CEP43: variants seen among roughly 807,000 people sequenced by gnomAD.
CEP43 encodes FGFR1 oncogene partner.
CEP43 carries 36 observed loss-of-function variants against 52.6 expected under a neutral mutation model. That is an observed-to-expected ratio of 0.68 (90% CI 0.52 to 0.90). The LOEUF is 0.90. Ranked by LOEUF, CEP43 falls within the 40% of genes least tolerant of loss-of-function variation. The pLI is 0.00. For synonymous variants in CEP43, 192 were observed against 172.4 expected (o/e 1.11, Z -0.89); for missense variants, 506 against 472.8 (o/e 1.07, Z -0.65).
intron 2 of CEP43, 30 bp from the exon 3 acceptor site, chr6:167,003,163 A>G (rs565116541): frequency 4.1e-5 from 43 of 1,044,160 alleles, no homozygotes; most frequent in Admixed American, 2.0e-4. Context: ...GGGTAAACAC[A>G]TGACACTTAA....
At chr6:167,023,287 T>C (rs539343022) in intron 8 of CEP43, among the ~76,000 whole-genome samples, 2 of 152,116 alleles carry the variant, frequency 1.3e-5, no homozygotes, top group Non-Finnish European at 2.9e-5. Context: ...TACAGAAGGA[T>C]CCTGAGGTTG....
At chr6:167,015,514 A>G (rs993544081) in intron 7 of CEP43, among the ~76,000 whole-genome samples, 2 of 152,186 alleles carry the variant, frequency 1.3e-5, no homozygotes, top group African/African-American at 2.4e-5. Flanking sequence ...AGCCATCCGC[A>G]TGGTAGGTGA....
Position 167,033,303 on chromosome 6 carries a change from G to A in CEP43, c.1029-572G>A, listed in dbSNP as rs1780514577. On this transcript the variant is annotated intron_variant, in intron 11 of 12. Coordinates refer to ENST00000366847, the MANE Select transcript of CEP43 (RefSeq NM_007045.4). ...TTTTTGTATTTTTGGTAGAGACAGGGTTTTGTCGTGTTGGCCAGGCTGGTC... is the reference window on the plus strand; with the variant it reads ...TTTTTGTATTTTTGGTAGAGACAGGATTTTGTCGTGTTGGCCAGGCTGGTC... Among the ~76,000 whole-genome samples the A allele has an allele frequency of 2.0e-5, 3 of 151,738 alleles. 1 individual carries two copies. In the East Asian group the frequency reaches 5.8e-4, roughly 29 times the overall value.
intron 11 of CEP43, among the ~76,000 whole-genome samples, chr6:167,033,097 C>CTT (rs1562533056): frequency 1.1e-5 from 1 of 94,520 alleles, no homozygotes; most frequent in African/African-American, 4.0e-5. Context: ...GATTGCCATT[C>CTT]TCTTTTTTTT....
chr6:167,013,392 C>T, intron 6 of CEP43, 116 bp from the exon 7 acceptor site: 1 of 760,708 alleles, frequency 1.3e-6, no homozygotes. Context: ...AACATATTAA[C>T]TAGATGTTCC....
chr6:167,005,666 T>C (rs1300650920), intron 5 of CEP43, among the ~76,000 whole-genome samples: 1 of 152,196 alleles, frequency 6.6e-6, no homozygotes, highest in Non-Finnish European at 1.5e-5. Context: ...CCTTCATTTA[T>C]CAATATCCAG....
chr6:167,003,198 A>G lies in CEP43; in HGVS notation c.162A>G (p.Lys54=). The change falls in exon 3 of 13, where the codon AAA becomes AAG. Residue 54 remains lysine, a synonymous_variant. Coordinates refer to ENST00000366847, the MANE Select transcript of CEP43 (RefSeq NM_007045.4). ...AATTTTTTTTTTTTTAACAGAACAA[A>G]ACTCCTTTAGTTAATGAGAGCCTGA... ...ALEEQEKVEN[K]TPLVNESLKK... 1 of 1,449,488 alleles carries G rather than the reference A, an allele frequency of 6.9e-7. No homozygotes were observed. Among genetic ancestry groups the G allele is most frequent in the Non-Finnish European group, 9.4e-7 (1 of 1,064,180 alleles). The allele number at this position is 1,449,488 out of a possible 1,614,324, so 89.8% of individuals were successfully genotyped here. A position where few individuals can be genotyped will look rare whatever the true frequency, so the allele number is the denominator to read the frequency against.
At chr6:167,010,095 A>G (rs1779953120) in intron 5 of CEP43, among the ~76,000 whole-genome samples, 1 of 152,272 alleles carries the variant, frequency 6.6e-6, no homozygotes, top group Admixed American at 6.5e-5. Context: ...ACAGTCAGTC[A>G]TAAAGGGATT....
At chr6:167,028,949 A>G (rs73028300) in intron 10 of CEP43, among the ~76,000 whole-genome samples, 7 of 152,358 alleles carry the variant, frequency 4.6e-5, no homozygotes, top group Non-Finnish European at 1.0e-4. Flanking sequence ...AGGAGTGTTT[A>G]TAGATAGGTA....
In CEP43 at chr6:167,039,988, A is replaced by C. The variant is rs762258918; in HGVS notation, c.*10A>C. 4 of 1,613,866 alleles carry C rather than the reference A, an allele frequency of 2.5e-6. No homozygotes were observed. In the Admixed American group the frequency reaches 5.0e-5, roughly 20 times the overall value. On this transcript the variant is annotated 3_prime_UTR_variant, in exon 13 of 13. Coordinates refer to ENST00000366847, the MANE Select transcript of CEP43 (RefSeq NM_007045.4). ...GGAAGATGTTGCATAGACACGAAGA[A>C]GGAAGTATTCTAATTAACAAGGACA... is the stretch of plus-strand genomic sequence containing the variant.
At chr6:167,026,688 G>T in intron 10 of CEP43, 73 bp downstream of exon 10, 1 of 907,936 alleles carries the variant, frequency 1.1e-6, no homozygotes, top group South Asian at 1.4e-5. Context: ...TAAAAGAAGT[G>T]ACTCCGTCTG....
rs1243321267 is a variant in CEP43, at chr6:167,042,190, G to A, written c.*2212G>A. The stretch of plus-strand genomic sequence containing the variant: ...CTATGAAAAAGCTTTCTTTTCACAT[G>A]TACTTTTTGATTAGGTATTATCAAC... On this transcript the variant is annotated 3_prime_UTR_variant, in exon 13 of 13. Coordinates refer to ENST00000366847, the MANE Select transcript of CEP43 (RefSeq NM_007045.4). 3.0e-6 allele frequency: 3 copies of A among 1,006,602 alleles called. No individual in the cohort carries two copies. The African/African-American group carries it at 5.2e-5, about 17-fold the overall frequency. The allele number at this position is 1,006,602 out of a possible 1,614,324, so 62.4% of individuals were successfully genotyped here.
intron 8 of CEP43, among the ~76,000 whole-genome samples, chr6:167,023,075 C>G (rs1320089045): frequency 1.3e-5 from 2 of 152,080 alleles, no homozygotes; most frequent in Non-Finnish European, 2.9e-5. Flanking sequence ...CTTGGAGGTG[C>G]CCAGTGAGCA....
At chr6:167,013,220 G>T (rs1309878365) in intron 6 of CEP43, among the ~76,000 whole-genome samples, 2 of 152,184 alleles carry the variant, frequency 1.3e-5, no homozygotes, top group Admixed American at 1.3e-4. Flanking sequence ...TTAGAATGCT[G>T]CTAAAATGTA....
chr6:167,025,361 A>C (rs1220650982), intron 9 of CEP43: 2 of 153,590 alleles, frequency 1.3e-5, no homozygotes, highest in Non-Finnish European at 2.9e-5. Context: ...AGCAGAGCTA[A>C]AGAGCACTGG....
chr6:167,009,529 A>T (rs1779935331), intron 5 of CEP43, among the ~76,000 whole-genome samples: 4 of 91,162 alleles, frequency 4.4e-5, no homozygotes, highest in African/African-American at 1.2e-4. Context: ...AAAAAAAAAA[A>T]TACAAGGAAT....
chr6:167,005,142 G>C (rs918621564), intron 5 of CEP43, among the ~76,000 whole-genome samples: 1 of 152,186 alleles, frequency 6.6e-6, no homozygotes, highest in African/African-American at 2.4e-5. Flanking sequence ...GTGGAGGGCT[G>C]TATAGGTTTC....
intron 6 of CEP43, chr6:167,011,681 C>A: frequency 6.5e-6 from 1 of 153,842 alleles, no homozygotes; most frequent in South Asian, 1.9e-4. Context: ...CATTTTTCCT[C>A]ACAGTTCTGG....
chr6:167,001,158 A>G (rs1779726283), intron 2 of CEP43, among the ~76,000 whole-genome samples: 1 of 152,024 alleles, frequency 6.6e-6, no homozygotes, highest in Non-Finnish European at 1.5e-5. Context: ...CCCTCAATCT[A>G]TTGCTCACCT....
Sources: gnomAD v4.1 joint callset for allele counts (sites outside exome capture counted in the v4.1 genomes callset) on GRCh38, gnomAD v4.1.1 for gene constraint, MANE v1.5 for transcripts, NCBI Gene and HGNC (gene_info 2026-07-23, HGNC 2026-07-21) for gene names.